Variants in PPARGC1A observed in about 807,000 individuals in gnomAD.
PPARGC1A encodes peroxisome proliferator-activated receptor gamma coactivator 1-alpha.
A neutral mutation model predicts 88.7 loss-of-function variants in PPARGC1A; 25 were observed. The observed-to-expected ratio is 0.28, with a 90% CI of 0.21 to 0.39. The LOEUF is 0.39. Ranked by LOEUF, PPARGC1A falls within the 10% of genes least tolerant of loss-of-function variation. PPARGC1A has a pLI of 1.00. For missense variants in PPARGC1A, 880 were observed against 968.7 expected (o/e 0.91, Z 1.22); for synonymous variants, 363 against 355.6 (o/e 1.02, Z -0.24).
At chr4:24,140,687 G>A in the PPARGC1A span, among the ~76,000 whole-genome samples, 1 of 152,124 alleles carries the variant, frequency 6.6e-6, no homozygotes, top group Non-Finnish European at 1.5e-5. Context: ...CTTTCTTTGT[G>A]CTCACATAAC....
intron 7 of PPARGC1A, chr4:23,820,656 T>A (rs1318838172): frequency 4.5e-6 from 2 of 439,636 alleles, no homozygotes; most frequent in Middle Eastern, 3.3e-4. Context: ...AGAGAAGAGT[T>A]TTTTTATCAG....
intron 2 of PPARGC1A, among the ~76,000 whole-genome samples, chr4:23,856,918 G>A (rs531724816): frequency 6.6e-5 from 10 of 152,080 alleles, no homozygotes; most frequent in East Asian, 3.9e-4. Context: ...GACACTTTCC[G>A]TTTTACAGAG....
chr4:24,415,134 G>A, the PPARGC1A span, among the ~76,000 whole-genome samples: 1 of 151,866 alleles, frequency 6.6e-6, no homozygotes, highest in Non-Finnish European at 1.5e-5. Flanking sequence ...AGGTTGCAGT[G>A]AGCCAAGATC....
the PPARGC1A span, among the ~76,000 whole-genome samples, chr4:24,117,834 C>G: frequency 1.3e-5 from 2 of 152,034 alleles, no homozygotes; most frequent in Non-Finnish European, 2.9e-5. Flanking sequence ...ACAGCAGTTT[C>G]GGAAGAGTAA....
At chr4:23,807,130 A>G (rs1022776581) in intron 10 of PPARGC1A, among the ~76,000 whole-genome samples, 1 of 152,148 alleles carries the variant, frequency 6.6e-6, no homozygotes, top group Non-Finnish European at 1.5e-5. Flanking sequence ...TGACTGCCTC[A>G]AAAATTGCAA....
At chr4:24,184,628 G>A in the PPARGC1A span, among the ~76,000 whole-genome samples, 2 of 152,292 alleles carry the variant, frequency 1.3e-5, no homozygotes, top group South Asian at 4.1e-4. Context: ...CCTTGGCTTG[G>A]GCAGGTGAAA....
chr4:24,220,424 C>A, the PPARGC1A span, among the ~76,000 whole-genome samples: 2 of 152,300 alleles, frequency 1.3e-5, no homozygotes, highest in South Asian at 4.1e-4. Flanking sequence ...CCTACACTCA[C>A]ATGTTTATTG....
chr4:24,453,728 C>T, the PPARGC1A span, among the ~76,000 whole-genome samples: 3 of 151,948 alleles, frequency 2.0e-5, no homozygotes, highest in African/African-American at 4.8e-5. Flanking sequence ...TGCAGTGAGC[C>T]GAGATCATGC....
At chr4:24,088,862 T>G in the PPARGC1A span, among the ~76,000 whole-genome samples, 1 of 152,150 alleles carries the variant, frequency 6.6e-6, no homozygotes, top group Non-Finnish European at 1.5e-5. Flanking sequence ...GGGAATAGGA[T>G]AGGCATTGGA....
chr4:23,903,230 A>T (rs1009229651), upstream of PPARGC1A, among the ~76,000 whole-genome samples: 3 of 152,172 alleles, frequency 2.0e-5, no homozygotes, highest in Non-Finnish European at 4.4e-5. Flanking sequence ...ATTTAATTGA[A>T]GGTGTGCATC....
At chr4:24,218,374 G>T in the PPARGC1A span, among the ~76,000 whole-genome samples, 1 of 152,198 alleles carries the variant, frequency 6.6e-6, no homozygotes, top group African/African-American at 2.4e-5. Flanking sequence ...TCCACAATGA[G>T]TTTGAAAAGC....
At chr4:24,454,969 T>A in the PPARGC1A span, among the ~76,000 whole-genome samples, 2 of 150,888 alleles carry the variant, frequency 1.3e-5, no homozygotes, top group African/African-American at 4.9e-5. Flanking sequence ...AACATCAACA[T>A]CTAACATCAG....
At chr4:24,005,625 G>T in the PPARGC1A span, among the ~76,000 whole-genome samples, 6 of 152,180 alleles carry the variant, frequency 3.9e-5, no homozygotes, top group Non-Finnish European at 7.3e-5. Flanking sequence ...ACAACTGGAG[G>T]TTTCCATATT....
the PPARGC1A span, among the ~76,000 whole-genome samples, chr4:24,158,877 G>C: frequency 6.6e-6 from 1 of 152,026 alleles, no homozygotes; most frequent in South Asian, 2.1e-4. Flanking sequence ...ATATAACCTA[G>C]AATATATATA....
chr4:24,052,133 G>A, the PPARGC1A span, among the ~76,000 whole-genome samples: 2 of 152,234 alleles, frequency 1.3e-5, no homozygotes, highest in South Asian at 2.1e-4. Context: ...TGAGGCTGGT[G>A]ACCACTACTG....
the PPARGC1A span, among the ~76,000 whole-genome samples, chr4:24,163,762 T>C: frequency 6.6e-6 from 1 of 152,204 alleles, no homozygotes; most frequent in Non-Finnish European, 1.5e-5. Flanking sequence ...GCTAAATACA[T>C]GCTTTAGCCA....
chr4:24,022,404 A>G, the PPARGC1A span, among the ~76,000 whole-genome samples: 1 of 151,806 alleles, frequency 6.6e-6, no homozygotes, highest in Admixed American at 6.6e-5. Context: ...CCCCACATAC[A>G]TATCGGTTAC....
chr4:24,282,890 C>T, the PPARGC1A span, among the ~76,000 whole-genome samples: 1 of 152,242 alleles, frequency 6.6e-6, no homozygotes, highest in South Asian at 2.1e-4. Context: ...ATTCCTGAAG[C>T]GAGAACCTGA....
chr4:24,254,872 C>A, the PPARGC1A span, among the ~76,000 whole-genome samples: 1 of 152,210 alleles, frequency 6.6e-6, no homozygotes, highest in African/African-American at 2.4e-5. Flanking sequence ...AGAATTTATT[C>A]TTTCCCTCAG....
Sources: allele counts gnomAD v4.1 joint callset (sites outside exome capture counted in the v4.1 genomes callset), GRCh38; gene constraint gnomAD v4.1.1; transcripts MANE v1.5; gene names NCBI Gene and HGNC (gene_info 2026-07-23, HGNC 2026-07-21).